PACRG: variants seen among roughly 807,000 people sequenced by gnomAD.
The protein encoded by PACRG is parkin coregulated gene protein.
PACRG carries 29 observed loss-of-function variants against 29.7 expected under a neutral mutation model. The ratio of observed to expected loss-of-function variants is 0.98; its 90% CI spans 0.73 to 1.33. The LOEUF (loss-of-function observed/expected upper bound fraction) is 1.33. Ranked by LOEUF, PACRG falls within the 40% of genes most tolerant of loss-of-function variation. PACRG has a pLI of 0.00. For synonymous variants in PACRG, 116 were observed against 118.7 expected, an observed-to-expected ratio of 0.98 and a Z score of 0.15; for missense variants, 279 against 316.2, an observed-to-expected ratio of 0.88 and a Z score of 0.89.
intron 4 of PACRG, among the ~76,000 whole-genome samples, chr6:163,102,718 G>A (rs748850654): frequency 3.5e-5 from 5 of 141,226 alleles, no homozygotes; most frequent in African/African-American, 9.7e-5. Context: ...CTAGATTTGC[G>A]AGTCCACCCA....
intron 4 of PACRG, among the ~76,000 whole-genome samples, chr6:163,226,055 C>T (rs1031405701): frequency 2.0e-5 from 3 of 152,054 alleles, no homozygotes; most frequent in Non-Finnish European, 2.9e-5. Context: ...CTCTCATTTT[C>T]GACAACATGA....
chr6:162,838,145 G>C (rs954593998), intron 2 of PACRG, among the ~76,000 whole-genome samples: 1 of 151,884 alleles, frequency 6.6e-6, no homozygotes, highest in African/African-American at 2.4e-5. Context: ...TATATTCAAC[G>C]TAAGTATTTT....
intron 4 of PACRG, among the ~76,000 whole-genome samples, chr6:163,260,233 C>T (rs563283929): frequency 6.6e-6 from 1 of 152,258 alleles, no homozygotes; most frequent in Non-Finnish European, 1.5e-5. Flanking sequence ...TCAGCGATCG[C>T]TGGCATGGGC....
chr6:162,958,170 C>T (rs1015865686), intron 2 of PACRG, among the ~76,000 whole-genome samples: 1 of 152,054 alleles, frequency 6.6e-6, no homozygotes, highest in Admixed American at 6.6e-5. Context: ...GCTTATGAAA[C>T]GTTTGGAGCT....
chr6:163,294,570 G>A (rs543497666), intron 4 of PACRG, among the ~76,000 whole-genome samples: 10 of 152,106 alleles, frequency 6.6e-5, no homozygotes, highest in Non-Finnish European at 1.5e-4. Context: ...GGATCAGTTA[G>A]GAACAACTTT....
At chr6:163,207,315 G>A (rs1780944566) in intron 4 of PACRG, among the ~76,000 whole-genome samples, 2 of 152,086 alleles carry the variant, frequency 1.3e-5, no homozygotes, top group Admixed American at 6.5e-5. Context: ...AGCCTATTAA[G>A]TTTCTCCAAA....
At position 163,193,703 on chromosome 6, in the gene PACRG, T is replaced by C. The variant is rs147819343; in HGVS notation, c.613+104295T>C. Among the ~76,000 whole-genome samples, 50 of 152,258 alleles carry C rather than the reference T, an allele frequency of 3.3e-4. 1 individual carries two copies. The East Asian group carries it at 9.4e-3, about 29-fold the overall frequency. On this transcript the variant is annotated intron_variant, in intron 4 of 4. Coordinates refer to ENST00000366888, the MANE Select transcript of PACRG (RefSeq NM_001080379.2). ...GAACTCGACAAATTTTCCTCAGAGA[T>C]AATTTTTGTTTCAATATTCAAAGTT...
chr6:163,129,416 G>A (rs1359018887), intron 4 of PACRG, among the ~76,000 whole-genome samples: 1 of 152,218 alleles, frequency 6.6e-6, no homozygotes, highest in Non-Finnish European at 1.5e-5. Flanking sequence ...ATGACCAGGT[G>A]AGAGACGAAG....
chr6:162,870,839 A>T (rs565070729), intron 2 of PACRG, among the ~76,000 whole-genome samples: 1 of 152,348 alleles, frequency 6.6e-6, no homozygotes, highest in South Asian at 2.1e-4. Flanking sequence ...ACTCACAAAA[A>T]TAGCTGCGTT....
chr6:162,790,794 C>T (rs2128325907), intron 1 of PACRG, among the ~76,000 whole-genome samples: 1 of 152,226 alleles, frequency 6.6e-6, no homozygotes, highest in East Asian at 1.9e-4. Context: ...CTGCGTTGAT[C>T]CCGCTATGTA....
chr6:163,160,624 C>G (rs12190791), intron 4 of PACRG, among the ~76,000 whole-genome samples: 1 of 152,018 alleles, frequency 6.6e-6, no homozygotes, highest in Non-Finnish European at 1.5e-5. Context: ...TGAATTGCTG[C>G]GTGGACAATA....
rs548880236 is a variant in PACRG at position 163,298,914 on chromosome 6, T to C, written c.614-15913T>C. Among the ~76,000 whole-genome samples the C allele has an allele frequency of 3.7e-4, 56 of 152,354 alleles. 1 individual carries two copies. In the East Asian group the frequency reaches 0.011, roughly 29 times the overall value. ...TAAGATGTCAGCTTAAATTTAATTT[T>C]CCCAGGGAGATCTTCTGGATCATCG... On this transcript the variant is annotated intron_variant, in intron 4 of 4. Transcript: ENST00000366888.
intron 3 of PACRG, among the ~76,000 whole-genome samples, chr6:163,071,117 T>C (rs1812005506): frequency 6.6e-6 from 1 of 152,114 alleles, no homozygotes; most frequent in Non-Finnish European, 1.5e-5. Context: ...AACACCCCAC[T>C]TTCTGCATTG....
At chr6:162,787,576 GTGTGTGTATATATATATATA>G (rs1239768486) in intron 1 of PACRG, among the ~76,000 whole-genome samples, 2 of 59,538 alleles carry the variant, frequency 3.4e-5, no homozygotes, top group African/African-American at 1.3e-4. Context: ...GTGTGTGTGT[GTGTGTGTATATATATATATA>G]TATATATATA....
chr6:162,933,469 T>A lies in PACRG; in HGVS notation c.291+119188T>A, dbSNP rs552076365. On this transcript the variant is annotated intron_variant, in intron 2 of 4. Transcript: ENST00000366888. ...TCCCCAGCTTTTATTGTACTGAGGT[T>A]TATCTGTCTCTCTTTAGCTAATATT... Among the ~76,000 whole-genome samples the A allele has an allele frequency of 1.1e-3, 164 of 152,294 alleles. 1 individual carries two copies. Among genetic ancestry groups the A allele is most frequent in the African/African-American group, 3.8e-3 (157 of 41,548 alleles).
At chr6:162,756,978 T>C (rs548675592) in intron 1 of PACRG, among the ~76,000 whole-genome samples, 1 of 152,278 alleles carries the variant, frequency 6.6e-6, no homozygotes, top group South Asian at 2.1e-4. Context: ...TCTTGGATTT[T>C]TTTTTCTGGA....
At chr6:163,274,191 C>A (rs1783945040) in intron 4 of PACRG, among the ~76,000 whole-genome samples, 1 of 152,172 alleles carries the variant, frequency 6.6e-6, no homozygotes, top group Non-Finnish European at 1.5e-5. Flanking sequence ...TCCCTCCACC[C>A]CCCAACAGGC....
chr6:163,006,344 G>A (rs1395348046), intron 2 of PACRG, among the ~76,000 whole-genome samples: 1 of 150,556 alleles, frequency 6.6e-6, no homozygotes, highest in East Asian at 1.9e-4. Context: ...ACACGAATAT[G>A]TTCTATTTTC....
chr6:163,302,513 G>A (rs10455922), intron 4 of PACRG, among the ~76,000 whole-genome samples: 30,057 of 152,092 alleles, frequency 0.2, 3,097 homozygotes, highest in African/African-American at 0.23. Context: ...ATTTAACTCC[G>A]TCACTTTCAG....
Sources: allele counts gnomAD v4.1 joint callset (sites outside exome capture counted in the v4.1 genomes callset), GRCh38; gene constraint gnomAD v4.1.1; transcripts MANE v1.5; gene names NCBI Gene and HGNC (gene_info 2026-07-23, HGNC 2026-07-21).